CHD5: variants seen among roughly 807,000 people sequenced by gnomAD.
CHD5 encodes ATP-dependent chromatin remodeler CHD5.
A neutral mutation model predicts 230.3 loss-of-function variants in CHD5; 69 were observed. The ratio of observed to expected loss-of-function variants is 0.30; its 90% CI spans 0.25 to 0.37. The LOEUF is 0.37. CHD5 is among the 10% of genes least tolerant of loss of function. The pLI is 1.00. For synonymous variants in CHD5, 1,064 were observed against 1,065.9 expected (o/e 1.00, Z 0.03); for missense variants, 1,827 against 2,622.8 (o/e 0.70, Z 6.63).
intron 33 of CHD5, among the ~76,000 whole-genome samples, chr1:6,117,054 C>G (rs186558359): frequency 4.1e-4 from 62 of 151,884 alleles, no homozygotes; most frequent in Non-Finnish European, 6.2e-4. Context: ...GTTAAGAGTA[C>G]AGAATGAAAT....
intron 1 of CHD5, among the ~76,000 whole-genome samples, chr1:6,178,345 T>G (rs553194276): frequency 1.3e-5 from 2 of 152,044 alleles, no homozygotes; most frequent in Admixed American, 1.3e-4. Flanking sequence ...AGCCGGAGTG[T>G]AAGATGGGAA....
In CHD5 at chr1:6,167,418, T is replaced by C. The variant is rs1667272436; in HGVS notation, c.207+732A>G. Among the ~76,000 whole-genome samples, 4 of 152,128 alleles carry C rather than the reference T, an allele frequency of 2.6e-5. No homozygotes were observed. The highest frequency in any genetic ancestry group is 2.0e-4 in the Admixed American group (3 of 15,274). On this transcript the variant is annotated intron_variant, in intron 2 of 41. Coordinates refer to ENST00000262450, the MANE Select transcript of CHD5 (RefSeq NM_015557.3). The surrounding 1 kb of genome is among the most constrained non-coding windows in gnomAD (Gnocchi z 4.5). ...CGCCCAGAAGGAAGCAGACAGCATATGGTGAGGAAATGGCAGACCTCAGTG... is the reference window on the plus strand; with the variant it reads ...CGCCCAGAAGGAAGCAGACAGCATACGGTGAGGAAATGGCAGACCTCAGTG...
chr1:6,103,005 G>C lies in CHD5; in HGVS notation c.*2469C>G, dbSNP rs12037962. ...AATCGCAGACTGGCACTTTGGGCTC[G>C]CGTTCATGCCCGAGGACCCTGATTC... On this transcript the variant is annotated 3_prime_UTR_variant, in exon 42 of 42. Transcript: ENST00000262450. The C allele has an allele frequency of 3.3e-5, 5 of 152,310 alleles. No homozygotes were observed. The highest frequency in any genetic ancestry group is 1.2e-4 in the African/African-American group (5 of 41,402). The allele number at this position is 152,310 out of a possible 1,614,324, so 9.4% of individuals were successfully genotyped here. A position where few individuals can be genotyped will look rare whatever the true frequency, so the allele number is the denominator to read the frequency against.
intron 6 of CHD5, 127 bp downstream of exon 6, chr1:6,152,285 T>C: frequency 9.9e-7 from 1 of 1,014,260 alleles, no homozygotes; most frequent in Non-Finnish European, 1.5e-6. Flanking sequence ...AGGAGAATAG[T>C]GGAGGGGTGC....
Position 6,106,700 on chromosome 1 carries a change from G to C in CHD5, c.5658C>G (p.Pro1886=), listed in dbSNP as rs774782723. 3 of 1,611,770 alleles carry C rather than the reference G, an allele frequency of 1.9e-6. No individual in the cohort carries two copies. Among genetic ancestry groups the C allele is most frequent in the Admixed American group, 1.7e-5 (1 of 59,914 alleles). The change falls in exon 39 of 42, where the codon CCC becomes CCG. Residue 1886 remains proline (P), a synonymous_variant. Coordinates refer to ENST00000262450, the MANE Select transcript of CHD5 (RefSeq NM_015557.3). ...TRLPSMLSRI[P]PVAARLQMSE... Reference sequence around the variant, plus strand: ...ACATCTGCAGCCGGGCGGCCACCGGGGGGATGCGGGACAGCATGGATGGCA... The same window carrying C: ...ACATCTGCAGCCGGGCGGCCACCGGCGGGATGCGGGACAGCATGGATGGCA...
intron 33 of CHD5, among the ~76,000 whole-genome samples, chr1:6,118,169 G>A (rs1183358483): frequency 2.0e-5 from 3 of 151,908 alleles, no homozygotes; most frequent in Non-Finnish European, 2.9e-5. Flanking sequence ...TGAGTCCAGG[G>A]GTTCAAGACC....
rs1021548366 is a variant in CHD5 at position 6,162,394 on chromosome 1, A to AAAAGAAAAGAAAAG, written c.208-2893_208-2880dup. ...AGAGCCAAACTCCATCTCAAAAAAA[A>AAAAGAAAAGAAAAG]AAAGAAAAGAAAAGAAAGAAAAGAA... is the stretch of plus-strand genomic sequence containing the variant. On this transcript the variant is annotated intron_variant, in intron 2 of 41. Transcript: ENST00000262450. Among the ~76,000 whole-genome samples, 6 of 152,128 alleles carry AAAAGAAAAGAAAAG rather than the reference A, an allele frequency of 3.9e-5. No homozygotes were observed. In the East Asian group the frequency reaches 9.7e-4, roughly 25 times the overall value.
chr1:6,166,894 A>T (rs1667264786), intron 2 of CHD5, among the ~76,000 whole-genome samples: 1 of 152,132 alleles, frequency 6.6e-6, no homozygotes, highest in Non-Finnish European at 1.5e-5. Context: ...CAAGAGGCCC[A>T]TGGTGCACCA....
At chr1:6,110,302 G>T in intron 37 of CHD5, 92 bp downstream of exon 37, 1 of 1,460,456 alleles carries the variant, frequency 6.8e-7, no homozygotes, top group South Asian at 1.2e-5. Context: ...ACGGGGAGGG[G>T]TTGCTGCTCT....
At chr1:6,157,047 G>A (rs372158018) in intron 3 of CHD5, among the ~76,000 whole-genome samples, 1 of 152,232 alleles carries the variant, frequency 6.6e-6, no homozygotes, top group African/African-American at 2.4e-5. Context: ...TAGTGCAGGT[G>A]CTTGGAACAG....
Position 6,125,695 on chromosome 1 carries a change from C to CCG in CHD5, c.4171+69_4171+70dup. The CCG allele has an allele frequency of 6.3e-7, 1 of 1,594,250 alleles. No homozygotes were observed. Among genetic ancestry groups the CCG allele is most frequent in the South Asian group, 1.1e-5 (1 of 90,682 alleles). On this transcript the variant is annotated intron_variant, in intron 27 of 41. Coordinates refer to ENST00000262450, the MANE Select transcript of CHD5 (RefSeq NM_015557.3). The surrounding 1 kb of genome is among the most constrained non-coding windows in gnomAD (Gnocchi z 6.7). ...AGGACAGCGGGACCCCAGACCAGCC[C>CCG]CGCTCCTGCTGCCATCAGCTCCCCT... is the stretch of plus-strand genomic sequence containing the variant.
intron 33 of CHD5, among the ~76,000 whole-genome samples, chr1:6,117,876 A>G (rs1308105002): frequency 5.9e-5 from 9 of 152,230 alleles, no homozygotes. Context: ...AAAACAATTC[A>G]GCAGTTTCTC....
rs1386974559 is a variant in CHD5, at chr1:6,128,223, G to A, written c.3731-5C>T. On this transcript the variant is annotated splice_polypyrimidine_tract_variant and splice_region_variant and intron_variant, in intron 24 of 41. Coordinates refer to ENST00000262450, the MANE Select transcript of CHD5 (RefSeq NM_015557.3). The surrounding 1 kb of genome is among the most constrained non-coding windows in gnomAD (Gnocchi z 7.8). ...CCTCCACGTCCTTGTTGTCACCTGG[G>A]GAGCAGGCAAATGCAGTGTGAGGAC... 8.7e-6 allele frequency: 14 copies of A among 1,613,696 alleles called. No homozygotes were observed. Among genetic ancestry groups the A allele is most frequent in the Non-Finnish European group, 1.2e-5 (14 of 1,179,832 alleles).
chr1:6,154,993 G>A lies in CHD5; in HGVS notation c.507-95C>T, dbSNP rs1436175276. On this transcript the variant is annotated intron_variant, in intron 4 of 41. Coordinates refer to ENST00000262450, the MANE Select transcript of CHD5 (RefSeq NM_015557.3). This position sits in a 1 kb window ranked among gnomAD's most constrained non-coding sequence, Gnocchi z 7.0. The stretch of plus-strand genomic sequence containing the variant: ...GGGCCCACCCCTCTGCCACATGTGC[G>A]ATCTATGGCAGCAGCCCCAGGTTCC... The A allele has an allele frequency of 4.7e-5, 51 of 1,085,814 alleles. No homozygotes were observed. The highest frequency in any genetic ancestry group is 9.9e-5 in the East Asian group (4 of 40,554). 67.3% of individuals were successfully genotyped at this position (1,085,814 alleles called of 1,614,324 possible). A position where few individuals can be genotyped will look rare whatever the true frequency, so the allele number is the denominator to read the frequency against.
At chr1:6,172,429 G>A (rs537789405) in intron 1 of CHD5, among the ~76,000 whole-genome samples, 3 of 152,018 alleles carry the variant, frequency 2.0e-5, no homozygotes, top group African/African-American at 4.8e-5. Context: ...GGGCTCGAGC[G>A]ACCCTCCCAC....
At position 6,149,036 on chromosome 1, in the gene CHD5, C is replaced by T; in HGVS notation, c.1201G>A (p.Asp401Asn). ...GIQWEPKDDD[D>N]EEEEGGCEEE... ...TCGCAGCCGCCCTCCTCCTCTTCAT[C>T]GTCGTCGTCCTTCGGCTCCCACTGG... Residue 401 changes from aspartate to asparagine, a missense_variant, in exon 9 of 42, where the codon GAT becomes AAT. Coordinates refer to ENST00000262450, the MANE Select transcript of CHD5 (RefSeq NM_015557.3). 6.3e-7 allele frequency: 1 copy of T among 1,589,594 alleles called. No individual in the cohort carries two copies. Among genetic ancestry groups the T allele is most frequent in the African/African-American group, 1.3e-5 (1 of 74,248 alleles).
chr1:6,128,011 G>A lies in CHD5; in HGVS notation c.3903+35C>T, dbSNP rs745458095. 3.9e-5 allele frequency: 60 copies of A among 1,538,754 alleles called. No individual in the cohort carries two copies. The highest frequency in any genetic ancestry group is 4.9e-5 in the Non-Finnish European group (56 of 1,139,702). On this transcript the variant is annotated intron_variant, in intron 25 of 41. Transcript: ENST00000262450. This position sits in a 1 kb window ranked among gnomAD's most constrained non-coding sequence, Gnocchi z 7.8. ...GGGGGCGGGGCTGCGGATGGAGGGC[G>A]GGGCTGCGGATGGAGGGCGGGCCGG...
At chr1:6,152,609 G>C in intron 5 of CHD5, 73 bp from the exon 6 acceptor site, 1 of 1,603,726 alleles carries the variant, frequency 6.2e-7, no homozygotes, top group South Asian at 1.1e-5. Context: ...ATCTCACTGA[G>C]CTCTCGGTTA....
rs915238101 is a variant in CHD5 at position 6,130,574 on chromosome 1, C to T, written c.3263-246G>A. Reference sequence around the variant, plus strand: ...CTAGTGCAGTGGGAGGGCACTGGAACGAGGAGGTCAATTTTCAAACCCCAG... The same window carrying T: ...CTAGTGCAGTGGGAGGGCACTGGAATGAGGAGGTCAATTTTCAAACCCCAG... On this transcript the variant is annotated intron_variant, in intron 21 of 41. Transcript: ENST00000262450. The surrounding 1 kb of genome is among the most constrained non-coding windows in gnomAD (Gnocchi z 4.9). Among the ~76,000 whole-genome samples the T allele has an allele frequency of 4.6e-5, 7 of 152,112 alleles. No homozygotes were observed. Among genetic ancestry groups the T allele is most frequent in the African/African-American group, 7.2e-5 (3 of 41,408 alleles).
Sources: allele counts gnomAD v4.1 joint callset (sites outside exome capture counted in the v4.1 genomes callset), GRCh38; gene constraint gnomAD v4.1.1; non-coding constraint Gnocchi (gnomAD v3.1); transcripts MANE v1.5; gene names NCBI Gene and HGNC (gene_info 2026-07-23, HGNC 2026-07-21).